The following EIF2AK3 variants were observed in gnomAD, a reference collection of about 807,000 sequenced individuals.
EIF2AK3 encodes eukaryotic translation initiation factor 2-alpha kinase 3.
In EIF2AK3, 50 loss-of-function variants were observed where a neutral mutation model predicts 113.5. That is an observed-to-expected ratio of 0.44 (90% CI 0.35 to 0.56). The LOEUF is 0.56. Ranked by LOEUF, EIF2AK3 falls within the 20% of genes least tolerant of loss-of-function variation. The pLI is 0.00. For synonymous variants in EIF2AK3, 448 were observed against 495.4 expected, an observed-to-expected ratio of 0.90 and a Z score of 1.27; for missense variants, 1,185 against 1,378.0, an observed-to-expected ratio of 0.86 and a Z score of 2.22.
In EIF2AK3 at chr2:88,575,308, C is replaced by G. The variant is rs1457876452; in HGVS notation, c.2175G>C (p.Gly725=). 1 of 1,614,166 alleles carries G rather than the reference C, an allele frequency of 6.2e-7. No homozygotes were observed. Among genetic ancestry groups the G allele is most frequent in the South Asian group, 1.1e-5 (1 of 91,076 alleles). ...ATGAACTTGTCTGGTCACAGGAAAT[C>G]CCTACTGAAAAAGACCTGCTTCTTT... ...SPQRSRSFSV[G]ISCDQTSSSE... is the part of the protein sequence containing the mutation. Residue 725 remains glycine, a synonymous_variant, in exon 13 of 17, where the codon GGG becomes GGC. Transcript: ENST00000303236.
intron 2 of EIF2AK3, among the ~76,000 whole-genome samples, chr2:88,607,875 T>C (rs1675329253): frequency 6.6e-6 from 1 of 152,242 alleles, no homozygotes; most frequent in Non-Finnish European, 1.5e-5. Context: ...CTGTACCTGA[T>C]GCATGAAGTT....
intron 2 of EIF2AK3, among the ~76,000 whole-genome samples, chr2:88,604,943 C>T (rs942462272): frequency 2.6e-5 from 4 of 152,244 alleles, no homozygotes; most frequent in East Asian, 1.9e-4. Context: ...ACAAAGATCT[C>T]GGGTTGAGTC....
At chr2:88,561,165 G>A (rs1318589280) in intron 15 of EIF2AK3, among the ~76,000 whole-genome samples, 1 of 151,954 alleles carries the variant, frequency 6.6e-6, no homozygotes, top group African/African-American at 2.4e-5. Flanking sequence ...ATGTTGCCCA[G>A]GCTGGTGTTG....
intron 1 of EIF2AK3, among the ~76,000 whole-genome samples, chr2:88,616,831 T>G (rs1393176996): frequency 3.3e-5 from 5 of 152,196 alleles, no homozygotes; most frequent in African/African-American, 9.7e-5. Context: ...ATAGTTATAT[T>G]CCTGGTCAGG....
rs141821640 is a variant in EIF2AK3 at position 88,559,510 on chromosome 2, C to CTGTGTGTGTG, written c.3088-541_3088-532dup. Among the ~76,000 whole-genome samples, 219 of 141,422 alleles carry CTGTGTGTGTG rather than the reference C, an allele frequency of 1.5e-3. 2 individuals carry two copies. The highest frequency in any genetic ancestry group is 3.1e-3 in the African/African-American group (118 of 37,946). 92.8% of individuals were successfully genotyped at this position (141,422 alleles called of 152,430 possible). On this transcript the variant is annotated intron_variant, in intron 15 of 16. Coordinates refer to ENST00000303236, the MANE Select transcript of EIF2AK3 (RefSeq NM_004836.7). ...CAATCCCCTGTGGATACCAAGATGACTGTGTGTGTGTGTGTGTGTGTGTGT... is the reference window on the plus strand; with the variant it reads ...CAATCCCCTGTGGATACCAAGATGACTGTGTGTGTGTGTGTGTGTGTGTGTGTGTGTGTGT...
At position 88,575,052 on chromosome 2, in the gene EIF2AK3, A is replaced by C; in HGVS notation, c.2431T>G (p.Ser811Ala). Residue 811 changes from serine to alanine, a missense_variant, in exon 13 of 17, where the codon TCT (serine) becomes GCT (alanine). Coordinates refer to ENST00000303236, the MANE Select transcript of EIF2AK3 (RefSeq NM_004836.7). Reference protein sequence around the residue: ...RTSSSIVFEDSGCDNASSKEE... With the variant: ...RTSSSIVFEDAGCDNASSKEE... ...TTACTGGAAGCATTATCACAGCCAG[A>C]ATCTTCAAATACTATTGAAGAGGAG... 1 of 1,614,224 alleles carries C rather than the reference A, an allele frequency of 6.2e-7. No homozygotes were observed. The highest frequency in any genetic ancestry group is 8.5e-7 in the Non-Finnish European group (1 of 1,180,040).
chr2:88,598,330 G>A (rs945857939), intron 2 of EIF2AK3, among the ~76,000 whole-genome samples: 3 of 152,090 alleles, frequency 2.0e-5, no homozygotes, highest in Admixed American at 1.3e-4. Context: ...ATGTTCTAGG[G>A]TGTCTCCTTA....
chr2:88,595,412 T>C (rs1204411746), intron 3 of EIF2AK3, 57 bp downstream of exon 3: 2 of 1,535,702 alleles, frequency 1.3e-6, no homozygotes, highest in Non-Finnish European at 1.8e-6. Flanking sequence ...AATAAATTAC[T>C]TTTTCTACCC....
Position 88,570,881 on chromosome 2 carries a change from G to A in EIF2AK3, c.2978C>T (p.Pro993Leu), listed in dbSNP as rs2104403206. 6.2e-7 allele frequency: 1 copy of A among 1,614,094 alleles called. No homozygotes were observed. Among genetic ancestry groups the A allele is most frequent in the Non-Finnish European group, 8.5e-7 (1 of 1,180,004 alleles). The change falls in exon 14 of 17, where the codon CCA becomes CTA. Residue 993 changes from proline (P) to leucine (L), a missense_variant. Pro to Leu is a moderately conservative substitution (Grantham distance 98). Coordinates refer to ENST00000303236, the MANE Select transcript of EIF2AK3 (RefSeq NM_004836.7). The stretch of plus-strand genomic sequence containing the variant: ...AAGGTCTGAAAAACTCACCTGCTCT[G>A]GGCTCATATACAGTTTGGTCCCTAC... ...GQVGTKLYMSPEQIHGNSYSH... is the reference protein window; with the variant it reads ...GQVGTKLYMSLEQIHGNSYSH...
At chr2:88,572,813 T>C (rs1674346961) in intron 13 of EIF2AK3, among the ~76,000 whole-genome samples, 3 of 152,184 alleles carry the variant, frequency 2.0e-5, no homozygotes, top group Non-Finnish European at 4.4e-5. Flanking sequence ...GAAACAGATA[T>C]GGTTCATACC....
chr2:88,604,265 C>T (rs1447596529), intron 2 of EIF2AK3, among the ~76,000 whole-genome samples: 1 of 152,166 alleles, frequency 6.6e-6, no homozygotes, highest in Non-Finnish European at 1.5e-5. Flanking sequence ...TCAATGGGCT[C>T]ATTTCGGCTG....
intron 11 of EIF2AK3, among the ~76,000 whole-genome samples, chr2:88,578,537 C>G (rs1674520643): frequency 6.6e-6 from 1 of 152,014 alleles, no homozygotes; most frequent in Non-Finnish European, 1.5e-5. Context: ...ACAAAATTAG[C>G]TGGGTGTGGT....
At position 88,556,786 on chromosome 2, in the gene EIF2AK3, T is replaced by G. The variant is rs1157797570; in HGVS notation, c.*950A>C. On this transcript the variant is annotated 3_prime_UTR_variant, in exon 17 of 17. Transcript: ENST00000303236. ...TTAAATCATTTAGACTTGAAAGAAG[T>G]CACAAGTTAACACACTTAAGTGTGT... is the stretch of plus-strand genomic sequence containing the variant. The G allele has an allele frequency of 1.3e-5, 2 of 152,204 alleles. No individual in the cohort carries two copies. Among genetic ancestry groups the G allele is most frequent in the Non-Finnish European group, 1.5e-5 (1 of 68,018 alleles). The allele number at this position is 152,204 out of a possible 1,614,324, so 9.4% of individuals were successfully genotyped here.
intron 13 of EIF2AK3, 166 bp downstream of exon 13, chr2:88,574,497 ACTT>A (rs1674400199): frequency 1.3e-6 from 1 of 746,504 alleles, no homozygotes; most frequent in Non-Finnish European, 2.2e-6. Context: ...CAGACATAAG[ACTT>A]CTTATTCTTG....
At chr2:88,572,491 G>C (rs990881987) in intron 13 of EIF2AK3, among the ~76,000 whole-genome samples, 4 of 152,114 alleles carry the variant, frequency 2.6e-5, no homozygotes, top group African/African-American at 9.7e-5. Flanking sequence ...GGTGTCCTTG[G>C]TTTAAGTAGA....
intron 4 of EIF2AK3, among the ~76,000 whole-genome samples, chr2:88,591,748 A>C (rs1038697936): frequency 1.3e-5 from 2 of 152,184 alleles, no homozygotes; most frequent in African/African-American, 2.4e-5. Context: ...CATAGTTAAG[A>C]ATTCTGACAT....
intron 10 of EIF2AK3, chr2:88,579,857 A>T (rs1322137264): frequency 6.3e-6 from 3 of 475,450 alleles, no homozygotes; most frequent in Non-Finnish European, 1.1e-5. Context: ...AATTAAAAAT[A>T]AAAAAGACAT....
At chr2:88,609,945 CAAAAAA>C (rs71378880) in intron 2 of EIF2AK3, among the ~76,000 whole-genome samples, 2 of 38,822 alleles carry the variant, frequency 5.2e-5, no homozygotes, top group Non-Finnish European at 9.7e-5. Flanking sequence ...TCCATCTCTA[CAAAAAA>C]AAAAAAAAAA....
intron 14 of EIF2AK3, among the ~76,000 whole-genome samples, chr2:88,565,223 A>G (rs1674077649): frequency 6.6e-6 from 1 of 151,628 alleles, no homozygotes; most frequent in Non-Finnish European, 1.5e-5. Context: ...TTCAGTAGAG[A>G]CGGGGTTTCA....
Sources: gnomAD v4.1 joint callset for allele counts (sites outside exome capture counted in the v4.1 genomes callset) on GRCh38, gnomAD v4.1.1 for gene constraint, MANE v1.5 for transcripts, NCBI Gene and HGNC (gene_info 2026-07-23, HGNC 2026-07-21) for gene names.